Variants in SFXN5 observed in about 807,000 individuals in gnomAD.
SFXN5 encodes sideroflexin-5.
In SFXN5, 43 loss-of-function variants were observed where a neutral mutation model predicts 50.2. The ratio of observed to expected loss-of-function variants is 0.86; its 90% confidence interval spans 0.67 to 1.11. SFXN5 has a LOEUF of 1.11. Ranked by LOEUF, SFXN5 falls within the 50% of genes least tolerant of loss-of-function variation. SFXN5 has a pLI of 0.00. For synonymous variants in SFXN5, 203 were observed against 185.8 expected, an observed-to-expected ratio of 1.09 and a Z score of -0.75; for missense variants, 463 against 454.1, an observed-to-expected ratio of 1.02 and a Z score of -0.18.
intron 10 of SFXN5, among the ~76,000 whole-genome samples, chr2:72,978,639 GAAAC>G (rs1559113196): frequency 6.6e-6 from 1 of 152,102 alleles, no homozygotes; most frequent in Non-Finnish European, 1.5e-5. Flanking sequence ...AGGATGTAGG[GAAAC>G]AAAAATTCAG....
At chr2:73,009,061 C>G (rs909359904) in intron 6 of SFXN5, among the ~76,000 whole-genome samples, 1 of 152,180 alleles carries the variant, frequency 6.6e-6, no homozygotes, top group East Asian at 1.9e-4. Context: ...GAGGCACCTG[C>G]CAGCCTTACT....
chr2:73,057,217 C>A (rs1682260951), intron 2 of SFXN5, among the ~76,000 whole-genome samples: 1 of 152,144 alleles, frequency 6.6e-6, no homozygotes, highest in South Asian at 2.1e-4. Flanking sequence ...TGGTTCACTG[C>A]AGCCTCAACT....
In SFXN5 at chr2:72,950,822, C is replaced by T. The variant is rs960635065; in HGVS notation, c.946-5723G>A. Among the ~76,000 whole-genome samples, 1 of 152,232 alleles carries T rather than the reference C, an allele frequency of 6.6e-6. No homozygotes were observed. The highest frequency in any genetic ancestry group is 2.1e-4 in the South Asian group (1 of 4,830). ...AGGCCAGAGCCCCAGGGCAGTGGGT[C>T]GAGGGGCAGGGACTTGGCTGTGACC... On this transcript the variant is annotated intron_variant, in intron 13 of 13. Coordinates refer to ENST00000272433, the MANE Select transcript of SFXN5 (RefSeq NM_144579.3). The surrounding 1 kb of genome is among the most constrained non-coding windows in gnomAD (Gnocchi z 4.2).
At chr2:72,976,435 G>T (rs1041755006) in intron 10 of SFXN5, among the ~76,000 whole-genome samples, 16 of 152,102 alleles carry the variant, frequency 1.1e-4, no homozygotes, top group African/African-American at 2.9e-4. Flanking sequence ...TTAATTTCAG[G>T]AATATTTTTT....
At chr2:73,025,466 A>T (rs927387068) in intron 3 of SFXN5, among the ~76,000 whole-genome samples, 1 of 152,200 alleles carries the variant, frequency 6.6e-6, no homozygotes, top group Non-Finnish European at 1.5e-5. Flanking sequence ...TCTAAAACAG[A>T]AGTATACCTA....
intron 3 of SFXN5, among the ~76,000 whole-genome samples, chr2:73,032,024 C>A (rs1678366779): frequency 1.3e-5 from 2 of 152,142 alleles, no homozygotes; most frequent in South Asian, 4.1e-4. Context: ...CTAGGACCTG[C>A]TGGATTAAAT....
intron 3 of SFXN5, among the ~76,000 whole-genome samples, chr2:73,029,990 T>C (rs1226318097): frequency 6.6e-6 from 1 of 152,134 alleles, no homozygotes; most frequent in African/African-American, 2.4e-5. Flanking sequence ...GAGAATCGCC[T>C]GAGCCCAGGA....
Position 72,978,757 on chromosome 2 carries a change from C to G in SFXN5, c.626-7072G>C, listed in dbSNP as rs187434731. On this transcript the variant is annotated intron_variant, in intron 10 of 13. Transcript: ENST00000272433. ...TGTCCATTCCATGTCTGGGTACACA[C>G]GCTAGCCTGGCGATTCCCAGCACAA... Among the ~76,000 whole-genome samples, 30 of 152,254 alleles carry G rather than the reference C, an allele frequency of 2.0e-4. No homozygotes were observed. In the East Asian group the frequency reaches 4.2e-3, roughly 22 times the overall value.
intron 9 of SFXN5, 169 bp downstream of exon 9, chr2:72,998,780 C>G: frequency 1.5e-6 from 1 of 670,506 alleles, no homozygotes; most frequent in Non-Finnish European, 2.6e-6. Flanking sequence ...GCTCTGTCTA[C>G]TGGAGCCTCT....
intron 2 of SFXN5, among the ~76,000 whole-genome samples, chr2:73,047,220 A>C (rs1161471717): frequency 5.2e-5 from 1 of 19,180 alleles, no homozygotes; most frequent in African/African-American, 1.6e-4. Flanking sequence ...TCCATCTCGT[A>C]AAAAAAAAAA....
rs771938784 is a variant in SFXN5 at position 73,001,514 on chromosome 2, G to A, written c.411+11C>T. On this transcript the variant is annotated intron_variant, in intron 7 of 13. Transcript: ENST00000272433. ...TTCCTTCAGGAGCCCTGTTTGCTGC[G>A]AGACTGTTACCTGCCAGAAGACAGT... The A allele has an allele frequency of 5.0e-6, 8 of 1,613,998 alleles. No individual in the cohort carries two copies. Among genetic ancestry groups the A allele is most frequent in the African/African-American group, 1.3e-5 (1 of 74,918 alleles).
chr2:73,001,818 G>A (rs569019689), intron 6 of SFXN5, among the ~76,000 whole-genome samples: 10 of 152,002 alleles, frequency 6.6e-5, no homozygotes, highest in Non-Finnish European at 1.2e-4. Context: ...TATATATAAC[G>A]ATATACACAA....
chr2:73,065,931 C>T (rs964248227), intron 1 of SFXN5, among the ~76,000 whole-genome samples: 1 of 152,098 alleles, frequency 6.6e-6, no homozygotes, highest in African/African-American at 2.4e-5. Flanking sequence ...TGTCCTGGGG[C>T]CCCAACATGG....
At chr2:72,982,542 G>A (rs1574027205) in intron 10 of SFXN5, among the ~76,000 whole-genome samples, 1 of 152,342 alleles carries the variant, frequency 6.6e-6, no homozygotes, top group African/African-American at 2.4e-5. Context: ...CGAGGGGGCT[G>A]AGTGTGGTGG....
chr2:73,067,402 A>T (rs933538219), intron 1 of SFXN5, among the ~76,000 whole-genome samples: 1 of 152,226 alleles, frequency 6.6e-6, no homozygotes, highest in African/African-American at 2.4e-5. Context: ...AAAAGTAGTA[A>T]AATTCAATGA....
At chr2:72,946,683 G>A (rs973004432) in intron 13 of SFXN5, among the ~76,000 whole-genome samples, 7 of 152,106 alleles carry the variant, frequency 4.6e-5, no homozygotes, top group East Asian at 1.9e-4. Context: ...GAATGACGCC[G>A]CCATCCAGTG....
chr2:73,071,540 G>C (rs911983260), intron 1 of SFXN5, 64 bp downstream of exon 1: 2 of 1,490,124 alleles, frequency 1.3e-6, no homozygotes, highest in Middle Eastern at 2.0e-4. Flanking sequence ...GGGGACTTTG[G>C]AGGGGAGTTT....
intron 10 of SFXN5, among the ~76,000 whole-genome samples, chr2:72,986,069 T>C (rs1194855695): frequency 6.6e-6 from 1 of 152,238 alleles, no homozygotes; most frequent in African/African-American, 2.4e-5. Flanking sequence ...TGCAGCTGAA[T>C]GGCCGGGAAC....
chr2:73,007,511 C>T (rs886956289), intron 6 of SFXN5, among the ~76,000 whole-genome samples: 1 of 152,072 alleles, frequency 6.6e-6, no homozygotes, highest in Non-Finnish European at 1.5e-5. Context: ...ACGCGCTCTC[C>T]GGCACCCTGC....
Sources: allele counts gnomAD v4.1 joint callset (sites outside exome capture counted in the v4.1 genomes callset), GRCh38; gene constraint gnomAD v4.1.1; non-coding constraint Gnocchi (gnomAD v3.1); transcripts MANE v1.5; gene names NCBI Gene and HGNC (gene_info 2026-07-23, HGNC 2026-07-21).